TNRC6B: variants seen among roughly 807,000 people sequenced by gnomAD.
TNRC6B encodes trinucleotide repeat-containing gene 6B protein.
In TNRC6B, 52 loss-of-function variants were observed where a neutral mutation model predicts 203.6. The ratio of observed to expected loss-of-function variants is 0.26; its 90% CI spans 0.20 to 0.32. The LOEUF (loss-of-function observed/expected upper bound fraction) is 0.32, where lower values mean the gene tolerates loss of function less well. Among genes scored for constraint, TNRC6B ranks in the 10% least tolerant of loss-of-function variants. TNRC6B has a pLI of 1.00. For missense variants in TNRC6B, 1,923 were observed against 2,286.2 expected (o/e 0.84, Z 3.24); for synonymous variants, 838 against 845.7 (o/e 0.99, Z 0.16).
chr22:40,265,234 A>G lies in TNRC6B; in HGVS notation c.1004A>G (p.Gln335Arg). Residue 335 changes from glutamine (Q) to arginine (R), a missense_variant, in exon 5 of 23, where the codon CAG becomes CGG. Gln to Arg is a conservative substitution (Grantham distance 43). This residue lies in a region of TNRC6B where 614 missense variants were observed against 587.7 expected (regional missense o/e 1.04). Coordinates refer to ENST00000454349, the MANE Select transcript of TNRC6B (RefSeq NM_001162501.2). ...ACAGATAATAGTAATTCCAGTGCAC[A>G]GGTTAGCACAGTAGGTCAGACATCC... Reference protein sequence around the residue: ...LETDNSNSSAQVSTVGQTSRE... With the variant: ...LETDNSNSSARVSTVGQTSRE... 1 of 1,614,082 alleles carries G rather than the reference A, an allele frequency of 6.2e-7. No individual in the cohort carries two copies. The highest frequency in any genetic ancestry group is 8.5e-7 in the Non-Finnish European group (1 of 1,179,910).
At chr22:40,147,561 C>T (rs1385625853) in intron 3 of TNRC6B, among the ~76,000 whole-genome samples, 4 of 152,180 alleles carry the variant, frequency 2.6e-5, no homozygotes, top group African/African-American at 7.2e-5. Context: ...AGGAATACTG[C>T]GTCCCCACGT....
chr22:40,179,566 G>A (rs1051289072), intron 1 of TNRC6B, among the ~76,000 whole-genome samples: 47 of 152,174 alleles, frequency 3.1e-4, no homozygotes, highest in African/African-American at 9.2e-4. Context: ...ATATGTAGAC[G>A]TGGATTAAAG....
chr22:40,269,226 C>T (rs993608362), intron 5 of TNRC6B, among the ~76,000 whole-genome samples: 14 of 144,880 alleles, frequency 9.7e-5, no homozygotes, highest in Middle Eastern at 3.7e-3. Context: ...CTCCACCTCC[C>T]GGGTTCAAGT....
intron 3 of TNRC6B, among the ~76,000 whole-genome samples, chr22:40,145,834 T>C (rs2005999): frequency 0.59 from 88,698 of 151,618 alleles, 28,996 homozygotes; most frequent in African/African-American, 0.89. Flanking sequence ...GAGCGAGACT[T>C]TGTCTCAAAA....
chr22:40,291,914 C>T (rs1445633112), intron 12 of TNRC6B, among the ~76,000 whole-genome samples: 3 of 152,178 alleles, frequency 2.0e-5, no homozygotes, highest in South Asian at 2.1e-4. Flanking sequence ...ATACTGAGGC[C>T]GGGCTCAGTG....
chr22:40,295,234 G>T (rs1489945455), intron 12 of TNRC6B, among the ~76,000 whole-genome samples: 1 of 152,134 alleles, frequency 6.6e-6, no homozygotes, highest in Non-Finnish European at 1.5e-5. Context: ...CTAGCATTTC[G>T]GGAGTCCGAG....
At chr22:40,237,774 C>T (rs540220745) in intron 1 of TNRC6B, among the ~76,000 whole-genome samples, 4 of 152,188 alleles carry the variant, frequency 2.6e-5, no homozygotes, top group East Asian at 1.9e-4. Context: ...ATGCCCGCTA[C>T]GGACGCCTCA....
At chr22:40,244,702 T>C (rs1007086722) in intron 1 of TNRC6B, among the ~76,000 whole-genome samples, 1 of 152,216 alleles carries the variant, frequency 6.6e-6, no homozygotes, top group African/African-American at 2.4e-5. Context: ...TGTGAAACCA[T>C]GGATTTGTTA....
chr22:40,233,260 T>C (rs2069901667), intron 1 of TNRC6B, among the ~76,000 whole-genome samples: 1 of 152,004 alleles, frequency 6.6e-6, no homozygotes, highest in South Asian at 2.1e-4. Flanking sequence ...GGCCGGAGGT[T>C]GCAGTGAGCC....
chr22:40,048,970 C>T (rs887403056), intron 1 of TNRC6B, among the ~76,000 whole-genome samples: 4 of 152,172 alleles, frequency 2.6e-5, no homozygotes, highest in African/African-American at 9.6e-5. Context: ...AAGCGATTCT[C>T]CTGCCTCAGC....
chr22:40,251,464 A>AAT (rs2070192213), intron 3 of TNRC6B, among the ~76,000 whole-genome samples: 1 of 152,168 alleles, frequency 6.6e-6, no homozygotes, highest in African/African-American at 2.4e-5. Context: ...ACGGTGGCTT[A>AAT]CGCCTGTAAT....
intron 1 of TNRC6B, among the ~76,000 whole-genome samples, chr22:40,201,532 C>G (rs774314826): frequency 1.3e-5 from 2 of 151,676 alleles, no homozygotes; most frequent in Non-Finnish European, 2.9e-5. Context: ...ACCTCCTGGA[C>G]TCAAGTGATC....
At chr22:40,181,487 G>A (rs750699840) in intron 1 of TNRC6B, among the ~76,000 whole-genome samples, 2 of 152,250 alleles carry the variant, frequency 1.3e-5, no homozygotes, top group Non-Finnish European at 2.9e-5. Flanking sequence ...AATGCAGATA[G>A]ATGAATGTAC....
In TNRC6B at chr22:40,315,922, AT is replaced by A; in HGVS notation, c.4904-15del. The A allele has an allele frequency of 1.2e-6, 2 of 1,605,090 alleles. No homozygotes were observed. The highest frequency in any genetic ancestry group is 1.7e-6 in the Non-Finnish European group (2 of 1,173,970). On this transcript the variant is annotated intron_variant, in intron 20 of 22. Transcript: ENST00000454349. Reference sequence around the variant, plus strand: ...TTTTGTTTTATTTCTCTTCCTAACCATTTTTCTGGTTGCTCATAGCCTCTAC... The same window carrying A: ...TTTTGTTTTATTTCTCTTCCTAACCATTTTCTGGTTGCTCATAGCCTCTAC...
intron 12 of TNRC6B, among the ~76,000 whole-genome samples, chr22:40,299,863 A>G (rs890672393): frequency 1.3e-5 from 2 of 152,246 alleles, no homozygotes; most frequent in African/African-American, 2.4e-5. Flanking sequence ...CTCTGTCGCC[A>G]GAGCTTCCTG....
intron 11 of TNRC6B, among the ~76,000 whole-genome samples, chr22:40,283,127 C>T (rs920476067): frequency 2.0e-5 from 3 of 152,098 alleles, no homozygotes; most frequent in African/African-American, 7.2e-5. Flanking sequence ...GCTCAGCCTC[C>T]CAGGTTCACG....
chr22:40,216,271 C>T (rs951176562), intron 1 of TNRC6B, among the ~76,000 whole-genome samples: 8 of 152,150 alleles, frequency 5.3e-5, no homozygotes, highest in Non-Finnish European at 8.8e-5. Flanking sequence ...GTTCCCCGAC[C>T]GCATGCACTC....
intron 1 of TNRC6B, among the ~76,000 whole-genome samples, chr22:40,204,115 T>A (rs1182083241): frequency 6.6e-6 from 1 of 152,244 alleles, no homozygotes; most frequent in Non-Finnish European, 1.5e-5. Context: ...TACTTAACTC[T>A]GTGTCTTTAT....
At chr22:40,139,631 C>T (rs964096858) in intron 3 of TNRC6B, among the ~76,000 whole-genome samples, 1 of 152,168 alleles carries the variant, frequency 6.6e-6, no homozygotes, top group Non-Finnish European at 1.5e-5. Flanking sequence ...TGTGCCTGGC[C>T]TGCATTTTAT....
Sources: gnomAD v4.1 joint callset for allele counts (sites outside exome capture counted in the v4.1 genomes callset) on GRCh38, gnomAD v4.1.1 for gene constraint, gnomAD v4.1.1 regional missense constraint, MANE v1.5 for transcripts, NCBI Gene and HGNC (gene_info 2026-07-23, HGNC 2026-07-21) for gene names.